The following PAQR5 variants were observed in gnomAD, a reference collection of about 807,000 sequenced individuals.
PAQR5 encodes the protein progestin and adipoQ receptor family member 5, also known as membrane progestin receptor gamma.
PAQR5 carries 20 observed loss-of-function variants against 34.5 expected under a neutral mutation model. The observed-to-expected ratio is 0.58, with a 90% confidence interval of 0.41 to 0.84. The LOEUF (loss-of-function observed/expected upper bound fraction) is 0.84, where lower values mean the gene tolerates loss of function less well. PAQR5 is among the 40% of genes least tolerant of loss of function. The pLI is 0.00. For missense variants in PAQR5, 378 were observed against 412.7 expected (o/e 0.92, Z 0.73); for synonymous variants, 131 against 155.6 (o/e 0.84, Z 1.18).
At chr15:69,301,980 G>T (rs1271525607) in intron 1 of PAQR5, among the ~76,000 whole-genome samples, 1 of 150,416 alleles carries the variant, frequency 6.6e-6, no homozygotes, top group African/African-American at 2.5e-5. Context: ...AGGGGTGGTG[G>T]GGGTGGTAGG....
chr15:69,342,107 C>T (rs2054658471), intron 2 of PAQR5, among the ~76,000 whole-genome samples: 1 of 152,128 alleles, frequency 6.6e-6, no homozygotes, highest in Non-Finnish European at 1.5e-5. Context: ...TATTTCTCCA[C>T]ACCCTTGCCA....
chr15:69,322,111 G>T, intron 1 of PAQR5, among the ~76,000 whole-genome samples: 1 of 139,070 alleles, frequency 7.2e-6, no homozygotes, highest in African/African-American at 2.9e-5. Flanking sequence ...AGGCCAAGGT[G>T]GGAGGGTCAC....
intron 1 of PAQR5, among the ~76,000 whole-genome samples, chr15:69,300,771 TCC>T (rs1223880039): frequency 3.4e-5 from 1 of 29,304 alleles, no homozygotes; most frequent in African/African-American, 9.6e-5. Flanking sequence ...CCTTCCTCCC[TCC>T]CTCTCTCTCT....
At chr15:69,300,973 T>TTCTTTCTC (rs2053587753) in intron 1 of PAQR5, among the ~76,000 whole-genome samples, 3 of 82,578 alleles carry the variant, frequency 3.6e-5, no homozygotes, top group African/African-American at 1.5e-4. Context: ...CTTTCTTTCT[T>TTCTTTCTC]TCTTTCTTTC....
At chr15:69,336,087 T>C (rs918200307) in intron 1 of PAQR5, among the ~76,000 whole-genome samples, 2 of 152,184 alleles carry the variant, frequency 1.3e-5, no homozygotes, top group South Asian at 2.1e-4. Context: ...GCTATCTTCA[T>C]TGAGTCTTGT....
At chr15:69,359,527 T>G (rs1404365273) in intron 2 of PAQR5, among the ~76,000 whole-genome samples, 1 of 152,160 alleles carries the variant, frequency 6.6e-6, no homozygotes, top group Non-Finnish European at 1.5e-5. Context: ...GGGGGTTGCA[T>G]GCACTGGTAA....
At chr15:69,329,363 G>A (rs918920815) in intron 1 of PAQR5, among the ~76,000 whole-genome samples, 1 of 151,934 alleles carries the variant, frequency 6.6e-6, no homozygotes, top group Admixed American at 6.6e-5. Context: ...AAGGAGGTGG[G>A]GGATGAAGGG....
chr15:69,382,706 G>A (rs199918227), intron 4 of PAQR5: 133 of 98,670 alleles, frequency 1.3e-3, no homozygotes, highest in East Asian at 8.0e-3. Context: ...ATATATATAT[G>A]TATGTATGTA....
rs557681597 is a variant in PAQR5, at chr15:69,306,556, C to T, written c.-277+7500C>T. Reference sequence around the variant, plus strand: ...CCTCCCGAGTAGCTGGGATTACAGGCGCACACCACCACTAATTTTTGTATT... The same window carrying T: ...CCTCCCGAGTAGCTGGGATTACAGGTGCACACCACCACTAATTTTTGTATT... On this transcript the variant is annotated intron_variant, in intron 1 of 8. Transcript: ENST00000395407. 2.2e-4 allele frequency among the ~76,000 whole-genome samples: 33 copies of T among 151,870 alleles called. No homozygotes were observed. The East Asian group carries it at 4.3e-3, about 20-fold the overall frequency.
intron 3 of PAQR5, among the ~76,000 whole-genome samples, chr15:69,373,135 C>T (rs969339270): frequency 2.0e-5 from 3 of 152,142 alleles, no homozygotes; most frequent in African/African-American, 7.2e-5. Flanking sequence ...CTCTGAGTCT[C>T]TTCTTCTGCC....
At chr15:69,376,961 C>G (rs909593225) in intron 3 of PAQR5, among the ~76,000 whole-genome samples, 1 of 152,192 alleles carries the variant, frequency 6.6e-6, no homozygotes, top group African/African-American at 2.4e-5. Context: ...GCCACTGTGG[C>G]TGTCACGGGG....
chr15:69,392,688 A>T (rs76401999), intron 6 of PAQR5, among the ~76,000 whole-genome samples: 3 of 152,208 alleles, frequency 2.0e-5, no homozygotes, highest in East Asian at 3.9e-4. Flanking sequence ...AGCAGGAGGG[A>T]GTGTAATGTA....
rs1429616530 is a variant in PAQR5 at position 69,300,962 on chromosome 15, T to TCTTC, written c.-277+1909_-277+1910insCCTT. 1.5e-3 allele frequency among the ~76,000 whole-genome samples: 79 copies of TCTTC among 53,950 alleles called. 2 individuals are homozygous for TCTTC. Among genetic ancestry groups the TCTTC allele is most frequent in the African/African-American group, 3.7e-3 (56 of 15,168 alleles). The allele number at this position is 53,950 out of a possible 152,430, so 35.4% of individuals were successfully genotyped here. A position where few individuals can be genotyped will look rare whatever the true frequency, so the allele number is the denominator to read the frequency against. On this transcript the variant is annotated intron_variant, in intron 1 of 8. Coordinates refer to ENST00000395407, the MANE Select transcript of PAQR5 (RefSeq NM_017705.4). ...CTCTTTCTTTCCTTCTTTCTTTCTT[T>TCTTC]CTTTCTTTCTTTCTTTCTTTCTTTC... is the stretch of plus-strand genomic sequence containing the variant.
chr15:69,383,356 AGTGGGCCTTTGTGTACATGGTGGAGGGTG>A (rs2055976151), intron 4 of PAQR5, among the ~76,000 whole-genome samples: 5 of 137,110 alleles, frequency 3.6e-5, no homozygotes, highest in African/African-American at 1.2e-4. Flanking sequence ...GTGGAGGGTG[AGTGGGCCTTTGTGTACATGGTGGAGGGTG>A]ACTGGCCCTC....
chr15:69,306,412 C>CT (rs34752383), intron 1 of PAQR5, among the ~76,000 whole-genome samples: 65,308 of 127,562 alleles, frequency 0.51, 19,061 homozygotes, highest in Middle Eastern at 0.63. Context: ...ACCATTTAAC[C>CT]TTTTTTTTTT....
At chr15:69,315,232 C>T (rs947870041) in intron 1 of PAQR5, among the ~76,000 whole-genome samples, 13 of 152,262 alleles carry the variant, frequency 8.5e-5, no homozygotes, top group Middle Eastern at 3.4e-3. Flanking sequence ...CCTTCCACTC[C>T]GCCCCTTCTG....
intron 4 of PAQR5, among the ~76,000 whole-genome samples, chr15:69,384,080 A>C (rs1051801906): frequency 1.8e-5 from 1 of 55,724 alleles, no homozygotes; most frequent in African/African-American, 7.5e-5. Context: ...GGTGGAGGGT[A>C]AACGGGGCCT....
intron 1 of PAQR5, among the ~76,000 whole-genome samples, chr15:69,309,817 A>G (rs535746185): frequency 6.6e-6 from 1 of 152,260 alleles, no homozygotes; most frequent in African/African-American, 2.4e-5. Flanking sequence ...TGGGAGGCCA[A>G]GGTGGCTGAT....
intron 3 of PAQR5, among the ~76,000 whole-genome samples, chr15:69,361,182 T>A (rs904993323): frequency 2.0e-5 from 3 of 152,220 alleles, no homozygotes; most frequent in African/African-American, 7.2e-5. Flanking sequence ...TGCACTTTGC[T>A]GGTTGGTTCT....
Sources: gnomAD v4.1 joint callset for allele counts (sites outside exome capture counted in the v4.1 genomes callset) on GRCh38, gnomAD v4.1.1 for gene constraint, MANE v1.5 for transcripts, NCBI Gene and HGNC (gene_info 2026-07-23, HGNC 2026-07-21) for gene names.